The following MBD3 variants were observed in gnomAD, a reference collection of about 807,000 sequenced individuals.
MBD3 encodes methyl-CpG-binding domain protein 3.
A neutral mutation model predicts 31.2 loss-of-function variants in MBD3; 13 were observed. The observed-to-expected ratio is 0.42, with a 90% CI of 0.27 to 0.66. MBD3 has a LOEUF of 0.66. Ranked by LOEUF, MBD3 falls within the 30% of genes least tolerant of loss-of-function variation. The pLI, the probability that MBD3 is intolerant of heterozygous loss-of-function variation, is 0.26. For missense variants in MBD3, 440 were observed against 426.5 expected, an observed-to-expected ratio of 1.03 and a Z score of -0.28; for synonymous variants, 223 against 187.4, an observed-to-expected ratio of 1.19 and a Z score of -1.55.
rs1010137980 is a variant in MBD3, at chr19:1,575,425, G to C, written c.*2739C>G. On this transcript the variant is annotated 3_prime_UTR_variant, in exon 7 of 7. Coordinates refer to ENST00000434436, the MANE Select transcript of MBD3 (RefSeq NM_001281453.2). ...AAACTCTTGTCTAAAAAAAAAAAAA[G>C]TCCCAGAAGGTCTTGGGGCTGAGAC... 1 of 324,786 alleles carries C rather than the reference G, an allele frequency of 3.1e-6. No homozygotes were observed. Among genetic ancestry groups the C allele is most frequent in the African/African-American group, 2.3e-5 (1 of 44,408 alleles). 20.1% of individuals were successfully genotyped at this position (324,786 alleles called of 1,614,324 possible). A position where few individuals can be genotyped will look rare whatever the true frequency, so the allele number is the denominator to read the frequency against.
chr19:1,582,790 G>A (rs1343008832), intron 3 of MBD3, 78 bp from the exon 4 acceptor site: 1 of 1,298,948 alleles, frequency 7.7e-7, no homozygotes, highest in Non-Finnish European at 1.1e-6. Context: ...GCTCCAGGGA[G>A]GCCCACCTGG....
At chr19:1,583,173 C>T (rs1244433493) in intron 3 of MBD3, 1 of 149,638 alleles carries the variant, frequency 6.7e-6, no homozygotes, top group South Asian at 2.0e-4. Context: ...CATTGCACTA[C>T]AGCCTGGACA....
At position 1,577,948 on chromosome 19, in the gene MBD3, C is replaced by T. The variant is rs1367651036; in HGVS notation, c.*216G>A. The T allele has an allele frequency of 3.6e-5, 12 of 337,756 alleles. No individual in the cohort carries two copies. The highest frequency in any genetic ancestry group is 1.3e-4 in the Admixed American group (3 of 22,610). The allele number at this position is 337,756 out of a possible 1,614,324, so 20.9% of individuals were successfully genotyped here. A position where few individuals can be genotyped will look rare whatever the true frequency, so the allele number is the denominator to read the frequency against. On this transcript the variant is annotated 3_prime_UTR_variant, in exon 7 of 7. Transcript: ENST00000434436. ...TCCCGAAGCCGGACTCTGTAGAGGA[C>T]GAGCGTGGAGGGTCTTTCGGGTGGG...
intron 1 of MBD3, among the ~76,000 whole-genome samples, chr19:1,590,914 T>C (rs541414144): frequency 3.3e-4 from 51 of 152,284 alleles, no homozygotes; most frequent in South Asian, 1.0e-3. Flanking sequence ...CAGAGAAACC[T>C]GAAATCTCTA....
intron 5 of MBD3, among the ~76,000 whole-genome samples, chr19:1,579,181 CAAAAA>C (rs57070800): frequency 2.4e-3 from 51 of 21,514 alleles, no homozygotes; most frequent in Admixed American, 2.9e-3. Context: ...CAGATTCTGC[CAAAAA>C]AAAAAAAAAA....
intron 1 of MBD3, among the ~76,000 whole-genome samples, chr19:1,590,306 A>C (rs917901094): frequency 2.7e-5 from 4 of 149,388 alleles, no homozygotes; most frequent in East Asian, 2.0e-4. Context: ...CCAAAAAAAA[A>C]CCCCACTGAA....
rs1466310624 is a variant in MBD3, at chr19:1,585,627, A to G, written c.111-413T>C. 2 of 264,928 alleles carry G rather than the reference A, an allele frequency of 7.5e-6. No homozygotes were observed. The highest frequency in any genetic ancestry group is 1.0e-4 in the East Asian group (1 of 9,580). 16.4% of individuals were successfully genotyped at this position (264,928 alleles called of 1,614,324 possible). ...GACGCTGAGTTCGGGTACAAACGCT[A>G]CTACCTACAGGGCTTTGGGCCCCGG... On this transcript the variant is annotated intron_variant, in intron 1 of 6. Coordinates refer to ENST00000434436, the MANE Select transcript of MBD3 (RefSeq NM_001281453.2). This position sits in a 1 kb window ranked among gnomAD's most constrained non-coding sequence, Gnocchi z 4.1.
intron 3 of MBD3, among the ~76,000 whole-genome samples, chr19:1,583,041 TAAAAATACA>T (rs1387844443): frequency 1.3e-5 from 2 of 151,402 alleles, no homozygotes; most frequent in Non-Finnish European, 2.9e-5. Context: ...CCTTATCTAC[TAAAAATACA>T]AAAAAAAGTC....
rs1260838221 is a variant in MBD3, at chr19:1,592,509, C to A, written c.110+13G>T. On this transcript the variant is annotated intron_variant, in intron 1 of 6. Coordinates refer to ENST00000434436, the MANE Select transcript of MBD3 (RefSeq NM_001281453.2). ...GCCCGTTGAGGCCCTGCGCGGCCGG[C>A]GCGCTCATTCACCTATAGTAAAAGA... The A allele has an allele frequency of 7.3e-7, 1 of 1,372,854 alleles. No homozygotes were observed. Among genetic ancestry groups the A allele is most frequent in the Admixed American group, 2.1e-5 (1 of 46,562 alleles). The allele number at this position is 1,372,854 out of a possible 1,614,324, so 85.0% of individuals were successfully genotyped here.
intron 1 of MBD3, among the ~76,000 whole-genome samples, chr19:1,589,177 CAA>C (rs2060692586): frequency 6.8e-6 from 1 of 148,148 alleles, no homozygotes; most frequent in African/African-American, 2.5e-5. Context: ...ACTAAAAATA[CAA>C]AAGTAGCCGG....
At chr19:1,584,105 G>GTT (rs1188579753) in intron 3 of MBD3, among the ~76,000 whole-genome samples, 2 of 152,130 alleles carry the variant, frequency 1.3e-5, no homozygotes, top group Non-Finnish European at 2.9e-5. Flanking sequence ...GATTACAGGC[G>GTT]TGAGTCACCG....
chr19:1,578,406 G>A lies in MBD3; in HGVS notation c.810C>T (p.Asp270=), dbSNP rs142398380. ...APLDKACAED[D]DEEDEEEEEE... ...CCTCCTCCTCCTCGTCTTCCTCGTC[G>A]TCGTCCTCAGCGCAGGCCTTGTCCA... is the stretch of plus-strand genomic sequence containing the variant. Residue 270 remains aspartate, a synonymous_variant, in exon 6 of 7, where the codon GAC becomes GAT. Coordinates refer to ENST00000434436, the MANE Select transcript of MBD3 (RefSeq NM_001281453.2). This position sits in a 1 kb window ranked among gnomAD's most constrained non-coding sequence, Gnocchi z 6.1. 1,036 of 1,604,550 alleles carry A rather than the reference G, an allele frequency of 6.5e-4. No homozygotes were observed. Among genetic ancestry groups the A allele is most frequent in the Admixed American group, 1.1e-3 (63 of 59,988 alleles).
rs146354860 is a variant in MBD3, at chr19:1,592,549, G to C, written c.83C>G (p.Ala28Gly). 3.5e-6 allele frequency: 5 copies of C among 1,439,554 alleles called. No homozygotes were observed. The highest frequency in any genetic ancestry group is 1.5e-5 in the African/African-American group (1 of 66,866). The allele number at this position is 1,439,554 out of a possible 1,614,324, so 89.2% of individuals were successfully genotyped here. Residue 28 changes from alanine (A) to glycine (G), a missense_variant, in exon 1 of 7, where the codon GCC (alanine) becomes GGC (glycine). Around this residue, in one of 3 missense-constraint regions of MBD3, gnomAD observed 179 missense variants for 134.7 expected, o/e 1.33. Transcript: ENST00000434436. ...EEVPRRSGLS[A>G]GHRDVFYYSP... ...ATAGTAAAAGACATCCCTGTGGCCG[G>C]CCGACAGCCCCGACCTTCTGGGCAC...
chr19:1,578,606 G>A lies in MBD3; in HGVS notation c.678-68C>T, dbSNP rs933707615. On this transcript the variant is annotated intron_variant, in intron 5 of 6. Coordinates refer to ENST00000434436, the MANE Select transcript of MBD3 (RefSeq NM_001281453.2). This position sits in a 1 kb window ranked among gnomAD's most constrained non-coding sequence, Gnocchi z 6.1. Reference sequence around the variant, plus strand: ...AGCAGGACATGGACACAGGATGAACGTGGGGACCTCAGCTGGGAGGGGAGG... The same window carrying A: ...AGCAGGACATGGACACAGGATGAACATGGGGACCTCAGCTGGGAGGGGAGG... 36 of 1,603,294 alleles carry A rather than the reference G, an allele frequency of 2.2e-5. No individual in the cohort carries two copies. The highest frequency in any genetic ancestry group is 2.9e-5 in the Non-Finnish European group (34 of 1,179,836).
rs558915997 is a variant in MBD3 at position 1,585,227 on chromosome 19, G to A, written c.111-13C>T. 5 of 1,575,682 alleles carry A rather than the reference G, an allele frequency of 3.2e-6. No homozygotes were observed. In the Admixed American group the frequency reaches 5.3e-5, roughly 17 times the overall value. ...CTTCCCGCTCGGGCTGCGGGGAGGC[G>A]GGACGGTCGGCGCCCCGGGCGGACC... is the stretch of plus-strand genomic sequence containing the variant. On this transcript the variant is annotated splice_polypyrimidine_tract_variant and intron_variant, in intron 1 of 6. Coordinates refer to ENST00000434436, the MANE Select transcript of MBD3 (RefSeq NM_001281453.2). The surrounding 1 kb of genome is among the most constrained non-coding windows in gnomAD (Gnocchi z 4.1).
chr19:1,584,699 G>A, intron 2 of MBD3, 22 bp from the exon 3 acceptor site: 3 of 1,606,312 alleles, frequency 1.9e-6, no homozygotes, highest in Non-Finnish European at 2.5e-6. Flanking sequence ...AGGATATGCA[G>A]TCCGGCCTGG....
chr19:1,589,816 A>G (rs896572984), intron 1 of MBD3, among the ~76,000 whole-genome samples: 1 of 152,182 alleles, frequency 6.6e-6, no homozygotes, highest in Non-Finnish European at 1.5e-5. Context: ...CCTGGGTGAC[A>G]GAACAAGACC....
intron 1 of MBD3, among the ~76,000 whole-genome samples, chr19:1,588,978 T>G (rs374386290): frequency 3.4e-4 from 51 of 152,160 alleles, no homozygotes; most frequent in Non-Finnish European, 6.6e-4. Flanking sequence ...TGAAAAACCA[T>G]TGACTCGTGC....
intron 1 of MBD3, among the ~76,000 whole-genome samples, chr19:1,589,777 T>A (rs947274595): frequency 6.6e-6 from 1 of 151,870 alleles, no homozygotes; most frequent in Non-Finnish European, 1.5e-5. Flanking sequence ...AGGAATGCAG[T>A]GAGCTGTGAC....
Sources: allele counts gnomAD v4.1 joint callset (sites outside exome capture counted in the v4.1 genomes callset), GRCh38; gene constraint gnomAD v4.1.1; regional missense constraint gnomAD v4.1.1; non-coding constraint Gnocchi (gnomAD v3.1); transcripts MANE v1.5; gene names NCBI Gene and HGNC (gene_info 2026-07-23, HGNC 2026-07-21).